The following TSHZ2 variants were observed in gnomAD, a reference collection of about 807,000 sequenced individuals.
TSHZ2 encodes teashirt zinc finger homeobox 2.
A neutral mutation model predicts 74.4 loss-of-function variants in TSHZ2; 21 were observed. The ratio of observed to expected loss-of-function variants is 0.28; its 90% CI spans 0.20 to 0.41. The LOEUF (loss-of-function observed/expected upper bound fraction) is 0.41, where lower values mean the gene tolerates loss of function less well. TSHZ2 is among the 10% of genes least tolerant of loss of function. The pLI is 1.00. For missense variants in TSHZ2, 1,244 were observed against 1,293.5 expected (o/e 0.96, Z 0.59); for synonymous variants, 540 against 515.3 (o/e 1.05, Z -0.65).
intron 2 of TSHZ2, among the ~76,000 whole-genome samples, chr20:53,444,613 G>A (rs748472555): frequency 6.6e-5 from 10 of 152,142 alleles, no homozygotes; most frequent in Admixed American, 2.0e-4. Context: ...CTGTTCATCC[G>A]TAAGTAAACA....
chr20:53,022,447 T>C (rs903922052), intron 1 of TSHZ2, among the ~76,000 whole-genome samples: 1 of 152,200 alleles, frequency 6.6e-6, no homozygotes, highest in African/African-American at 2.4e-5. Context: ...TCTATCAATA[T>C]TTGATCAAAT....
At chr20:53,201,401 C>A (rs1302221850) in intron 1 of TSHZ2, among the ~76,000 whole-genome samples, 1 of 152,102 alleles carries the variant, frequency 6.6e-6, no homozygotes, top group Non-Finnish European at 1.5e-5. Context: ...GGCTCCCTTC[C>A]ATTTTCAAGC....
chr20:53,266,579 C>G (rs561738676), intron 2 of TSHZ2, among the ~76,000 whole-genome samples: 1 of 152,134 alleles, frequency 6.6e-6, no homozygotes, highest in Admixed American at 6.5e-5. Flanking sequence ...TCTCATTGTC[C>G]CATCATTACT....
chr20:53,264,866 G>A (rs562528032), intron 2 of TSHZ2, among the ~76,000 whole-genome samples: 1 of 152,242 alleles, frequency 6.6e-6, no homozygotes, highest in African/African-American at 2.4e-5. Flanking sequence ...GGAAAACATG[G>A]CAGTGTGGAG....
Position 53,052,380 on chromosome 20 carries a change from CAT to C in TSHZ2, c.40+79049_40+79050del, listed in dbSNP as rs533829255. Among the ~76,000 whole-genome samples the C allele has an allele frequency of 1.3e-4, 20 of 152,286 alleles. No homozygotes were observed. The South Asian group carries it at 3.9e-3, about 30-fold the overall frequency. On this transcript the variant is annotated intron_variant, in intron 1 of 2. Coordinates refer to ENST00000371497, the MANE Select transcript of TSHZ2 (RefSeq NM_173485.6). Reference sequence around the variant, plus strand: ...ACCAGCAAGTGCGGCATTAGATTCTCATAGAAGTACGAACCCTATTGTGAACT... The same window carrying C: ...ACCAGCAAGTGCGGCATTAGATTCTCAGAAGTACGAACCCTATTGTGAACT...
At chr20:53,185,603 G>A in intron 1 of TSHZ2, 2 of 1,533,232 alleles carry the variant, frequency 1.3e-6, no homozygotes, top group Non-Finnish European at 1.7e-6. Context: ...TGGGGATACA[G>A]AGCAAGACTC....
intron 1 of TSHZ2, among the ~76,000 whole-genome samples, chr20:53,117,719 A>C (rs572861577): frequency 6.6e-6 from 1 of 152,366 alleles, no homozygotes; most frequent in Non-Finnish European, 1.5e-5. Context: ...GTCATTTGGC[A>C]GTATAAACTG....
chr20:53,184,918 T>A (rs1421545760), intron 1 of TSHZ2, among the ~76,000 whole-genome samples: 1 of 152,114 alleles, frequency 6.6e-6, no homozygotes, highest in African/African-American at 2.4e-5. Context: ...ATGTTGGCCA[T>A]GGCTGCTCTC....
intron 1 of TSHZ2, among the ~76,000 whole-genome samples, chr20:53,210,656 C>T (rs1989281958): frequency 6.6e-6 from 1 of 151,990 alleles, no homozygotes. Context: ...GACCAAAAAG[C>T]AACACTTTGG....
chr20:53,442,884 G>A (rs6013686), intron 2 of TSHZ2, among the ~76,000 whole-genome samples: 6,107 of 152,242 alleles, frequency 0.04, 396 homozygotes, highest in African/African-American at 0.14. Flanking sequence ...AGCTCTGGGC[G>A]TGATTGTTAT....
Position 52,972,503 on chromosome 20 carries a change from TGTGA to T in TSHZ2, c.-787_-784del. 1.3e-5 allele frequency: 2 copies of T among 154,348 alleles called. No homozygotes were observed. Among genetic ancestry groups the T allele is most frequent in the Non-Finnish European group, 2.9e-5 (2 of 70,038 alleles). 9.6% of individuals were successfully genotyped at this position (154,348 alleles called of 1,614,324 possible). On this transcript the variant is annotated 5_prime_UTR_variant, in exon 1 of 3. It introduces an in-frame stop codon into an upstream open reading frame of the 5' UTR. Transcript: ENST00000371497. ...GCGAGGAAGCGGGGGTGCGTGCGCG[TGTGA>T]GTGCGTGTGTGAGTGTCTGTGTGTG...
chr20:53,026,134 C>T (rs753908901), intron 1 of TSHZ2, among the ~76,000 whole-genome samples: 4 of 152,076 alleles, frequency 2.6e-5, no homozygotes, highest in Non-Finnish European at 5.9e-5. Context: ...CACATACACA[C>T]GTGAGTCTGA....
intron 1 of TSHZ2, among the ~76,000 whole-genome samples, chr20:53,055,703 T>C (rs1346536147): frequency 1.3e-5 from 2 of 152,200 alleles, no homozygotes; most frequent in Non-Finnish European, 2.9e-5. Context: ...ACATGTTACC[T>C]CTTTAAAAAA....
At chr20:53,186,901 AATAT>A (rs540729094) in intron 1 of TSHZ2, among the ~76,000 whole-genome samples, 1 of 149,098 alleles carries the variant, frequency 6.7e-6, no homozygotes, top group African/African-American at 2.5e-5. Flanking sequence ...ACTAGGGTTT[AATAT>A]ATATATATAT....
intron 1 of TSHZ2, among the ~76,000 whole-genome samples, chr20:53,111,367 C>T (rs539380343): frequency 2.4e-4 from 37 of 152,030 alleles, no homozygotes; most frequent in Non-Finnish European, 5.1e-4. Context: ...ACTAAACTCC[C>T]AAATCTTTAC....
chr20:53,423,750 C>A (rs1221872074), intron 2 of TSHZ2, among the ~76,000 whole-genome samples: 1 of 152,188 alleles, frequency 6.6e-6, no homozygotes, highest in Non-Finnish European at 1.5e-5. Flanking sequence ...GTTTGACTGG[C>A]GAGGCAACTG....
chr20:53,318,099 G>T (rs1444773929), intron 2 of TSHZ2, among the ~76,000 whole-genome samples: 1 of 152,216 alleles, frequency 6.6e-6, no homozygotes, highest in Admixed American at 6.5e-5. Flanking sequence ...ACAAGGAAGA[G>T]AAAATAAGCT....
intron 1 of TSHZ2, among the ~76,000 whole-genome samples, chr20:53,015,365 T>C (rs6091620): frequency 0.3 from 46,100 of 152,002 alleles, 7,723 homozygotes; most frequent in East Asian, 0.56. Context: ...ATTTTTTTGT[T>C]ATCACAGTTG....
At chr20:53,155,397 G>A (rs1987771295) in intron 1 of TSHZ2, among the ~76,000 whole-genome samples, 1 of 151,940 alleles carries the variant, frequency 6.6e-6, no homozygotes, top group Admixed American at 6.6e-5. Flanking sequence ...TGGTAACCTG[G>A]TCAAAAGGAA....
Sources: gnomAD v4.1 joint callset for allele counts (sites outside exome capture counted in the v4.1 genomes callset) on GRCh38, gnomAD v4.1.1 for gene constraint, MANE v1.5 for transcripts, NCBI Gene and HGNC (gene_info 2026-07-23, HGNC 2026-07-21) for gene names.